Variants in PAPPA2 observed in about 807,000 individuals in gnomAD.
PAPPA2 encodes the protein pappalysin 2.
A neutral mutation model predicts 176.4 loss-of-function variants in PAPPA2; 86 were observed. The observed-to-expected ratio is 0.49, with a 90% CI of 0.41 to 0.58. The LOEUF is 0.58. PAPPA2 is among the 20% of genes least tolerant of loss of function. The probability of loss-of-function intolerance (pLI) is 0.00; values close to 1 mark genes in which losing one functional copy is unlikely to be tolerated. For synonymous variants in PAPPA2, 809 were observed against 852.2 expected (o/e 0.95, Z 0.88); for missense variants, 2,073 against 2,256.9 (o/e 0.92, Z 1.65).
Position 176,678,630 on chromosome 1 carries a change from AT to A in PAPPA2, c.2137+7528del, listed in dbSNP as rs879898675. ...GTGCTAATATGTTTACATTTCAAAT[AT>A]TTTTTTTTTTTTCCTGCTGGGAGTC... On this transcript the variant is annotated intron_variant, in intron 4 of 22. Coordinates refer to ENST00000367662, the MANE Select transcript of PAPPA2 (RefSeq NM_020318.3). 6.8e-3 allele frequency among the ~76,000 whole-genome samples: 993 copies of A among 145,196 alleles called. 5 individuals carry two copies. Among genetic ancestry groups the A allele is most frequent in the African/African-American group, 0.017 (688 of 39,940 alleles).
intron 3 of PAPPA2, among the ~76,000 whole-genome samples, chr1:176,632,422 C>T (rs10737320): frequency 4.6e-5 from 7 of 152,108 alleles, no homozygotes; most frequent in Admixed American, 4.6e-4. Flanking sequence ...GTGAAGACTC[C>T]GGAGGCTGAG....
chr1:176,771,193 T>C lies in PAPPA2; in HGVS notation c.4715+13T>C. On this transcript the variant is annotated intron_variant, in intron 17 of 22. Transcript: ENST00000367662. ...GTAAAGTCAGGAAGTAAGTTGAATG[T>C]TCCTGGTCTTTGGAGTTCTACCTAC... 6.2e-7 allele frequency: 1 copy of C among 1,612,064 alleles called. No homozygotes were observed. The highest frequency in any genetic ancestry group is 8.5e-7 in the Non-Finnish European group (1 of 1,178,160).
chr1:176,792,917 A>G (rs548653448), intron 19 of PAPPA2, among the ~76,000 whole-genome samples: 1 of 152,308 alleles, frequency 6.6e-6, no homozygotes, highest in South Asian at 2.1e-4. Context: ...TTTCTACAAG[A>G]GACCAACACA....
At chr1:176,733,189 C>T (rs1204692544) in intron 12 of PAPPA2, among the ~76,000 whole-genome samples, 1 of 152,150 alleles carries the variant, frequency 6.6e-6, no homozygotes, top group East Asian at 1.9e-4. Flanking sequence ...TTAGGGACTG[C>T]TGAATTTCAG....
intron 12 of PAPPA2, among the ~76,000 whole-genome samples, chr1:176,734,329 C>A (rs1020898710): frequency 5.3e-5 from 8 of 151,802 alleles, no homozygotes; most frequent in African/African-American, 1.9e-4. Flanking sequence ...ACCCCTAGTT[C>A]GGGTGGGATT....
At chr1:176,519,087 G>A (rs1572993434) in intron 1 of PAPPA2, among the ~76,000 whole-genome samples, 1 of 152,210 alleles carries the variant, frequency 6.6e-6, no homozygotes, top group East Asian at 1.9e-4. Flanking sequence ...AAGTCACACA[G>A]AGTATGGTAA....
intron 21 of PAPPA2, among the ~76,000 whole-genome samples, chr1:176,820,622 C>T (rs941171239): frequency 4.6e-5 from 7 of 152,160 alleles, no homozygotes; most frequent in Non-Finnish European, 1.0e-4. Context: ...TTTTCTTCTG[C>T]TAAACTCCTG....
intron 1 of PAPPA2, among the ~76,000 whole-genome samples, chr1:176,475,120 C>T (rs1378958629): frequency 6.6e-6 from 1 of 152,032 alleles, no homozygotes; most frequent in East Asian, 1.9e-4. Context: ...AATGAATTTA[C>T]ACAGCAAGCA....
At chr1:176,735,696 CTATCTATCT>C (rs1662372315) in intron 12 of PAPPA2, among the ~76,000 whole-genome samples, 3 of 136,770 alleles carry the variant, frequency 2.2e-5, no homozygotes, top group Admixed American at 7.4e-5. Flanking sequence ...ATCTATCTAT[CTATCTATCT>C]ATCTATCTAT....
chr1:176,757,076 A>G (rs927995355), intron 14 of PAPPA2, among the ~76,000 whole-genome samples: 1 of 152,160 alleles, frequency 6.6e-6, no homozygotes, highest in Non-Finnish European at 1.5e-5. Context: ...CATGGTGTAT[A>G]TGTGCCACAT....
At chr1:176,663,817 A>C (rs1658477762) in intron 3 of PAPPA2, among the ~76,000 whole-genome samples, 1 of 151,842 alleles carries the variant, frequency 6.6e-6, no homozygotes, top group African/African-American at 2.4e-5. Flanking sequence ...TTTTCTCTCA[A>C]GTTCTCCTGG....
intron 10 of PAPPA2, 145 bp from the exon 11 acceptor site, chr1:176,709,838 G>A (rs1232817665): frequency 3.1e-6 from 2 of 646,186 alleles, no homozygotes; most frequent in Non-Finnish European, 2.7e-6. Context: ...GTATCTGTGT[G>A]TTTGAGGTAG....
chr1:176,833,960 T>C (rs1667175490), intron 21 of PAPPA2, among the ~76,000 whole-genome samples: 1 of 152,162 alleles, frequency 6.6e-6, no homozygotes, highest in African/African-American at 2.4e-5. Context: ...GTCTAAGTTA[T>C]GTGATTCTCA....
At chr1:176,487,733 A>G (rs1652710119) in intron 1 of PAPPA2, among the ~76,000 whole-genome samples, 1 of 152,162 alleles carries the variant, frequency 6.6e-6, no homozygotes, top group Non-Finnish European at 1.5e-5. Context: ...AAGACAAATA[A>G]AATGTGATTC....
chr1:176,794,897 G>A (rs1665358916), intron 20 of PAPPA2, among the ~76,000 whole-genome samples: 1 of 152,194 alleles, frequency 6.6e-6, no homozygotes, highest in Non-Finnish European at 1.5e-5. Context: ...GACCCTTCTG[G>A]TGGGGTAAGG....
intron 4 of PAPPA2, 90 bp downstream of exon 4, chr1:176,671,205 CAG>C: frequency 6.5e-7 from 1 of 1,532,418 alleles, no homozygotes; most frequent in Non-Finnish European, 8.8e-7. Context: ...AAAAGAAAGA[CAG>C]AGAAAAAGTG....
intron 17 of PAPPA2, among the ~76,000 whole-genome samples, chr1:176,777,957 A>G (rs938174708): frequency 6.6e-6 from 1 of 151,852 alleles, no homozygotes; most frequent in Non-Finnish European, 1.5e-5. Flanking sequence ...TTCTTTAACA[A>G]GGAGTATACT....
chr1:176,738,592 G>A (rs553168187), intron 12 of PAPPA2, among the ~76,000 whole-genome samples: 2 of 152,204 alleles, frequency 1.3e-5, no homozygotes, highest in African/African-American at 4.8e-5. Context: ...CTGATAAAAA[G>A]CTATAGAAAT....
intron 9 of PAPPA2, 110 bp from the exon 10 acceptor site, chr1:176,706,244 TCCAAC>T: frequency 2.4e-6 from 2 of 834,128 alleles, no homozygotes; most frequent in South Asian, 1.8e-5. Context: ...CCTACTTTTT[TCCAAC>T]TTGCACTTTT....
Sources: allele counts gnomAD v4.1 joint callset (sites outside exome capture counted in the v4.1 genomes callset), GRCh38; gene constraint gnomAD v4.1.1; transcripts MANE v1.5; gene names NCBI Gene and HGNC (gene_info 2026-07-23, HGNC 2026-07-21).